The following ABR variants were observed in gnomAD, a reference collection of about 807,000 sequenced individuals.
The protein encoded by ABR is active breakpoint cluster region-related protein.
Under a neutral mutation model 107.2 loss-of-function variants are expected in ABR, and 35 were observed. The ratio of observed to expected loss-of-function variants is 0.33; its 90% CI spans 0.25 to 0.43. The LOEUF is 0.43. Ranked by LOEUF, ABR falls within the 20% of genes least tolerant of loss-of-function variation. ABR has a pLI of 1.00. For synonymous variants in ABR, 498 were observed against 462.0 expected (o/e 1.08, Z -1.00); for missense variants, 815 against 1,115.2 (o/e 0.73, Z 3.83).
intron 21 of ABR, among the ~76,000 whole-genome samples, chr17:1,008,496 C>T (rs756705040): frequency 2.0e-5 from 3 of 152,244 alleles, no homozygotes; most frequent in South Asian, 2.1e-4. Flanking sequence ...AGACTGTGCC[C>T]AGTTCCCAGG....
At chr17:1,017,188 G>A (rs1038131910) in intron 16 of ABR, among the ~76,000 whole-genome samples, 1 of 152,124 alleles carries the variant, frequency 6.6e-6, no homozygotes, top group African/African-American at 2.4e-5. Context: ...CCCGGCTGGA[G>A]GCAGGGGTCC....
intron 16 of ABR, among the ~76,000 whole-genome samples, chr17:1,042,795 C>T (rs930605054): frequency 7.0e-5 from 10 of 142,670 alleles, no homozygotes; most frequent in South Asian, 6.9e-4. Context: ...TATCCACAGA[C>T]GGATAAACAG....
At chr17:1,033,332 G>A (rs2072947040) in intron 16 of ABR, among the ~76,000 whole-genome samples, 1 of 152,212 alleles carries the variant, frequency 6.6e-6, no homozygotes, top group African/African-American at 2.4e-5. Flanking sequence ...GCAGGGACCA[G>A]GCATCATGGA....
intron 10 of ABR, among the ~76,000 whole-genome samples, chr17:1,061,649 C>T (rs937767068): frequency 5.3e-5 from 8 of 151,984 alleles, no homozygotes; most frequent in Non-Finnish European, 1.0e-4. Context: ...CGGGTTCACA[C>T]AATTCTTTTG....
At chr17:1,156,600 C>A (rs1409073612) in intron 1 of ABR, among the ~76,000 whole-genome samples, 1 of 152,062 alleles carries the variant, frequency 6.6e-6, no homozygotes. Flanking sequence ...AGGAGAATCA[C>A]CTGAACCCGG....
intron 1 of ABR, among the ~76,000 whole-genome samples, chr17:1,206,750 A>C (rs143746028): frequency 1.6e-3 from 240 of 152,130 alleles, no homozygotes; most frequent in Middle Eastern, 6.8e-3. Context: ...TGTCTCCAAA[A>C]ATATTTTGTG....
At chr17:1,126,291 C>T (rs972298635) in intron 1 of ABR, 7 of 152,364 alleles carry the variant, frequency 4.6e-5, no homozygotes, top group Admixed American at 4.6e-4. Flanking sequence ...GACCCTCCCA[C>T]AAACCGGCCC....
chr17:1,226,660 A>T (rs2150772372), intron 1 of ABR, among the ~76,000 whole-genome samples: 1 of 149,940 alleles, frequency 6.7e-6, no homozygotes, highest in Admixed American at 6.7e-5. Flanking sequence ...GTGTGCATGT[A>T]TGTATGTGAC....
rs1042442635 is a variant in ABR, at chr17:1,148,827, G to A, written c.62-23460C>T. 3.3e-5 allele frequency among the ~76,000 whole-genome samples: 5 copies of A among 152,162 alleles called. No individual in the cohort carries two copies. The highest frequency in any genetic ancestry group is 2.1e-4 in the South Asian group (1 of 4,832). ...CCGCACCAGAGTGTGAACGTGCCTC[G>A]GGCCACTGATGCGTACACTGGATGG... On this transcript the variant is annotated intron_variant, in intron 1 of 22. Transcript: ENST00000302538. This position sits in a 1 kb window ranked among gnomAD's most constrained non-coding sequence, Gnocchi z 4.9.
intron 10 of ABR, among the ~76,000 whole-genome samples, chr17:1,060,634 C>G (rs1158222251): frequency 6.6e-6 from 1 of 152,070 alleles, no homozygotes; most frequent in Non-Finnish European, 1.5e-5. Context: ...ACGAGCATTT[C>G]TCATTAAAAC....
intron 10 of ABR, 135 bp from the exon 11 acceptor site, chr17:1,059,002 G>T: frequency 7.5e-7 from 1 of 1,326,338 alleles, no homozygotes; most frequent in Non-Finnish European, 1.0e-6. Context: ...GACATCTTGT[G>T]GCAGGAGAGG....
chr17:1,085,097 C>T (rs571113956), intron 4 of ABR, among the ~76,000 whole-genome samples: 3 of 149,638 alleles, frequency 2.0e-5, no homozygotes, highest in South Asian at 2.1e-4. Context: ...CCACTGCGCC[C>T]GGCCAATTAA....
At chr17:1,172,503 C>T (rs2041752874) in intron 1 of ABR, among the ~76,000 whole-genome samples, 1 of 152,154 alleles carries the variant, frequency 6.6e-6, no homozygotes, top group Non-Finnish European at 1.5e-5. Flanking sequence ...GTCATCCCAG[C>T]ACTTTGGGAG....
At position 1,092,837 on chromosome 17, in the gene ABR, C is replaced by CT. The variant is rs1236216933; in HGVS notation, c.346-988dup. On this transcript the variant is annotated intron_variant, in intron 3 of 22. Transcript: ENST00000302538. The surrounding 1 kb of genome is among the most constrained non-coding windows in gnomAD (Gnocchi z 4.6). ...AGAGGGAGAGCAGCCACGTCGAATT[C>CT]TTTTTTTTTTGGAGACGGAGTCTCG... Among the ~76,000 whole-genome samples the CT allele has an allele frequency of 1.5e-4, 23 of 149,062 alleles. No individual in the cohort carries two copies. Among genetic ancestry groups the CT allele is most frequent in the African/African-American group, 3.4e-4 (14 of 40,746 alleles).
In ABR at chr17:1,150,164, G is replaced by A. The variant is rs150920066; in HGVS notation, c.62-24797C>T. 6.0e-3 allele frequency among the ~76,000 whole-genome samples: 911 copies of A among 151,882 alleles called. 13 individuals carry two copies. The highest frequency in any genetic ancestry group is 0.019 in the African/African-American group (787 of 41,434). On this transcript the variant is annotated intron_variant, in intron 1 of 22. Coordinates refer to ENST00000302538, the MANE Select transcript of ABR (RefSeq NM_021962.5). The surrounding 1 kb of genome is among the most constrained non-coding windows in gnomAD (Gnocchi z 4.8). ...CAAGGGCTGACACACTTCTCAAAGC[G>A]CTGAGATTACAGACGTGAGCCACCG...
At chr17:1,136,571 T>C (rs2040075514) in intron 1 of ABR, among the ~76,000 whole-genome samples, 1 of 152,188 alleles carries the variant, frequency 6.6e-6, no homozygotes, top group Admixed American at 6.5e-5. Context: ...TTACAGTCTT[T>C]GCTACATCTT....
rs915845823 is a variant in ABR, at chr17:1,051,904, T to C, written c.1562-1270A>G. Among the ~76,000 whole-genome samples, 1 of 151,958 alleles carries C rather than the reference T, an allele frequency of 6.6e-6. No individual in the cohort carries two copies. Among genetic ancestry groups the C allele is most frequent in the African/African-American group, 2.4e-5 (1 of 41,376 alleles). ...GCCTGACCAACATGGTGAAACCCCA[T>C]CTCTACTAAAAATACAAAAGTGAGC... On this transcript the variant is annotated intron_variant, in intron 14 of 22. Transcript: ENST00000302538. This position sits in a 1 kb window ranked among gnomAD's most constrained non-coding sequence, Gnocchi z 4.3.
chr17:1,095,620 G>A (rs552155551), intron 3 of ABR, among the ~76,000 whole-genome samples: 3 of 152,100 alleles, frequency 2.0e-5, no homozygotes, highest in African/African-American at 2.4e-5. Context: ...GGCAGGCCCC[G>A]GCTCTCCATT....
At chr17:1,054,215 C>T (rs562957862) in intron 14 of ABR, among the ~76,000 whole-genome samples, 87 of 152,326 alleles carry the variant, frequency 5.7e-4, no homozygotes, top group Non-Finnish European at 4.3e-4. Flanking sequence ...GCTCTGAACA[C>T]GCCACAGGCT....
Sources: gnomAD v4.1 joint callset for allele counts (sites outside exome capture counted in the v4.1 genomes callset) on GRCh38, gnomAD v4.1.1 for gene constraint, Gnocchi (gnomAD v3.1) non-coding constraint, MANE v1.5 for transcripts, NCBI Gene and HGNC (gene_info 2026-07-23, HGNC 2026-07-21) for gene names.